The following VWA5B1 variants were observed in gnomAD, a reference collection of about 807,000 sequenced individuals.
VWA5B1 encodes the protein von Willebrand factor A domain containing 5B1.
VWA5B1 carries 115 observed loss-of-function variants against 118.2 expected under a neutral mutation model. The observed-to-expected ratio is 0.97, with a 90% CI of 0.84 to 1.14. The LOEUF (loss-of-function observed/expected upper bound fraction) is 1.14, where lower values mean the gene tolerates loss of function less well. VWA5B1 is among the 50% of genes most tolerant of loss of function. The pLI is 0.00. For missense variants in VWA5B1, 1,596 were observed against 1,603.8 expected, an observed-to-expected ratio of 1.00 and a Z score of 0.08; for synonymous variants, 682 against 658.4, an observed-to-expected ratio of 1.04 and a Z score of -0.55.
chr1:20,297,689 C>T (rs2088431501), intron 1 of VWA5B1, among the ~76,000 whole-genome samples: 1 of 152,194 alleles, frequency 6.6e-6, no homozygotes, highest in South Asian at 2.1e-4. Context: ...GCACTCAGTG[C>T]TGACCAGCAG....
chr1:20,337,900 C>T, intron 14 of VWA5B1, 64 bp downstream of exon 14: 1 of 1,547,008 alleles, frequency 6.5e-7, no homozygotes, highest in Admixed American at 2.0e-5. Flanking sequence ...GAGCTGTGTC[C>T]CCTGCTTCAA....
At position 20,342,396 on chromosome 1, in the gene VWA5B1, C is replaced by A. The variant is rs1184207395; in HGVS notation, c.2134-36C>A. 4 of 1,543,770 alleles carry A rather than the reference C, an allele frequency of 2.6e-6. No individual in the cohort carries two copies. In the Admixed American group the frequency reaches 8.0e-5, roughly 31 times the overall value. On this transcript the variant is annotated intron_variant, in intron 14 of 21. Coordinates refer to ENST00000289815, the MANE Select transcript of VWA5B1 (RefSeq NM_001039500.3). The stretch of plus-strand genomic sequence containing the variant: ...TCTCCTCCTCCTCCTCCTCCTCGTC[C>A]TCCTCCTCTTTCTCTTTCTCCTCTT...
At chr1:20,291,663 C>T (rs562093337) in intron 1 of VWA5B1, among the ~76,000 whole-genome samples, 23 of 152,210 alleles carry the variant, frequency 1.5e-4, no homozygotes, top group Admixed American at 3.3e-4. Context: ...GTGCCCACCC[C>T]GGCAGCCGGG....
At position 20,318,592 on chromosome 1, in the gene VWA5B1, G is replaced by A. The variant is rs1213912375; in HGVS notation, c.712G>A (p.Val238Met). The A allele has an allele frequency of 1.3e-6, 2 of 1,551,422 alleles. No homozygotes were observed. Among genetic ancestry groups the A allele is most frequent in the Admixed American group, 3.9e-5 (2 of 50,984 alleles). ...CCTTGCCTTTCTATGCCACTCAGGG[G>A]TGGAGAGTCCCACTCATGAGATTCG... Reference protein sequence around the residue: ...EIRGPCLLAGVESPTHEIRAD... With the variant: ...EIRGPCLLAGMESPTHEIRAD... The change falls in exon 6 of 22, where the codon GTG becomes ATG. Residue 238 changes from valine (V) to methionine (M), a missense_variant and splice_region_variant. By Grantham distance (21) the Val-to-Met change is conservative. Transcript: ENST00000289815.
chr1:20,330,067 G>A, intron 9 of VWA5B1, 113 bp from the exon 10 acceptor site: 1 of 1,221,662 alleles, frequency 8.2e-7, no homozygotes, highest in African/African-American at 1.5e-5. Flanking sequence ...TGGGAGCATG[G>A]GTCAACTCTG....
intron 1 of VWA5B1, among the ~76,000 whole-genome samples, chr1:20,306,916 G>A (rs1008705026): frequency 1.3e-5 from 2 of 152,004 alleles, no homozygotes; most frequent in African/African-American, 4.8e-5. Context: ...TTATAACTCC[G>A]GGCACTCCTT....
chr1:20,341,790 A>G (rs560129701), intron 14 of VWA5B1, among the ~76,000 whole-genome samples: 2 of 152,368 alleles, frequency 1.3e-5, no homozygotes, highest in African/African-American at 4.8e-5. Context: ...CAGAACAGAA[A>G]GTCCATAAAT....
intron 4 of VWA5B1, among the ~76,000 whole-genome samples, chr1:20,317,079 C>T (rs1474971954): frequency 1.3e-5 from 2 of 150,110 alleles, no homozygotes; most frequent in African/African-American, 2.5e-5. Context: ...TGGTGTGAAC[C>T]CGGGAGGCAG....
chr1:20,318,111 T>C (rs1004456388), intron 5 of VWA5B1, among the ~76,000 whole-genome samples: 1 of 150,844 alleles, frequency 6.6e-6, no homozygotes, highest in African/African-American at 2.4e-5. Flanking sequence ...GATTCTAACA[T>C]GTAACCAGGA....
At chr1:20,299,847 C>T (rs2088473799) in intron 1 of VWA5B1, among the ~76,000 whole-genome samples, 1 of 152,190 alleles carries the variant, frequency 6.6e-6, no homozygotes, top group South Asian at 2.1e-4. Context: ...ACTCCTACCC[C>T]CGCCTCCCCA....
At chr1:20,309,709 T>A (rs537584559) in intron 1 of VWA5B1, among the ~76,000 whole-genome samples, 47 of 152,160 alleles carry the variant, frequency 3.1e-4, no homozygotes, top group Admixed American at 2.0e-3. Context: ...CCAGTTTATG[T>A]GTCCAGAATG....
chr1:20,320,062 G>A lies in VWA5B1; in HGVS notation c.966+556G>A, dbSNP rs553282632. On this transcript the variant is annotated intron_variant, in intron 7 of 21. Coordinates refer to ENST00000289815, the MANE Select transcript of VWA5B1 (RefSeq NM_001039500.3). ...GGAAAGGGAACGTTGGAGGCTGAGC[G>A]TCAGCCACAAGTCACACCCCATGCT... Among the ~76,000 whole-genome samples, 18 of 152,338 alleles carry A rather than the reference G, an allele frequency of 1.2e-4. 1 individual carries two copies. Among genetic ancestry groups the A allele is most frequent in the Admixed American group, 4.6e-4 (7 of 15,302 alleles).
chr1:20,327,438 C>G (rs560691886), intron 8 of VWA5B1, among the ~76,000 whole-genome samples: 36 of 152,216 alleles, frequency 2.4e-4, no homozygotes, highest in African/African-American at 8.7e-4. Context: ...ACAGGAGGGC[C>G]AGAAGCCATT....
intron 6 of VWA5B1, 144 bp downstream of exon 6, chr1:20,318,865 G>A: frequency 7.8e-7 from 1 of 1,282,252 alleles, no homozygotes; most frequent in Non-Finnish European, 1.0e-6. Context: ...AAGGAGAGGA[G>A]ACCCACTACT....
rs56157406 is a variant in VWA5B1 at position 20,345,516 on chromosome 1, G to A, written c.2687G>A (p.Ser896Asn). ...ACCAGCAAGGCCTGCAACATCATTA[G>A]CAAATACACAGCCTTCGTGCCTGTG... ...LHTSKACNII[S>N]KYTAFVPVDV... The change falls in exon 17 of 22, where the codon AGC (serine) becomes AAC (asparagine). Residue 896 changes from serine (S) to asparagine (N), a missense_variant. Transcript: ENST00000289815. 1.3e-6 allele frequency: 2 copies of A among 1,551,310 alleles called. No individual in the cohort carries two copies. The highest frequency in any genetic ancestry group is 1.7e-4 in the Middle Eastern group (1 of 5,970).
intron 1 of VWA5B1, among the ~76,000 whole-genome samples, chr1:20,291,387 T>TCTCTCTCTCTCTC (rs57894456): frequency 0.028 from 3,246 of 113,932 alleles, 100 homozygotes; most frequent in South Asian, 0.036. Context: ...CTCTCTCTCT[T>TCTCTCTCTCTCTC]TCTGTCTCCT....
intron 14 of VWA5B1, chr1:20,339,256 G>A (rs935823829): frequency 6.6e-6 from 1 of 152,082 alleles, no homozygotes; most frequent in Non-Finnish European, 1.5e-5. Flanking sequence ...TTAAGAATGG[G>A]CTTGGCCAGG....
At position 20,353,886 on chromosome 1, in the gene VWA5B1, C is replaced by T; in HGVS notation, c.3271C>T (p.Pro1091Ser). The T allele has an allele frequency of 8.4e-6, 13 of 1,546,886 alleles. No homozygotes were observed. The highest frequency in any genetic ancestry group is 1.1e-5 in the Non-Finnish European group (13 of 1,144,276). ...TCHRVSLTTR[P>S]SESKTPSPQL... is the part of the protein sequence containing the mutation. Reference sequence around the variant, plus strand: ...CCATCGAGTGTCCCTCACCACCCGCCCGTCTGAGTCCAAGACCCCGAGTCC... The same window carrying T: ...CCATCGAGTGTCCCTCACCACCCGCTCGTCTGAGTCCAAGACCCCGAGTCC... The change falls in exon 22 of 22, where the codon CCG becomes TCG. Residue 1091 changes from proline to serine, a missense_variant. By Grantham distance (74) the Pro-to-Ser change is moderately conservative (BLOSUM62 -1). Transcript: ENST00000289815.
chr1:20,297,467 C>A (rs893841232), intron 1 of VWA5B1, among the ~76,000 whole-genome samples: 2 of 152,214 alleles, frequency 1.3e-5, no homozygotes, highest in African/African-American at 4.8e-5. Flanking sequence ...CACATCTAGG[C>A]CTTCAAGGAA....
Sources: allele counts gnomAD v4.1 joint callset (sites outside exome capture counted in the v4.1 genomes callset), GRCh38; gene constraint gnomAD v4.1.1; transcripts MANE v1.5; gene names NCBI Gene and HGNC (gene_info 2026-07-23, HGNC 2026-07-21).